The following PNPLA4 variants were observed in gnomAD, a reference collection of about 807,000 sequenced individuals.
PNPLA4 encodes patatin-like phospholipase domain-containing protein 4.
In PNPLA4, 15 loss-of-function variants were observed where a neutral mutation model predicts 18.3. The ratio of observed to expected loss-of-function variants is 0.82; its 90% CI spans 0.55 to 1.26. The LOEUF (loss-of-function observed/expected upper bound fraction) is 1.26. PNPLA4 is among the 50% of genes most tolerant of loss of function. The probability of loss-of-function intolerance (pLI) is 0.00; values close to 1 mark genes in which losing one functional copy is unlikely to be tolerated. For synonymous variants in PNPLA4, 88 were observed against 85.6 expected, an observed-to-expected ratio of 1.03 and a Z score of -0.16; for missense variants, 229 against 196.8, an observed-to-expected ratio of 1.16 and a Z score of -0.98.
At chrX:7,909,288 G>A (rs1189536659) in intron 5 of PNPLA4, among the ~76,000 whole-genome samples, 2 of 111,816 alleles carry the variant, frequency 1.8e-5, no homozygotes, top group African/African-American at 6.5e-5. Flanking sequence ...GGCTGGGCAC[G>A]GTGGCTCACG....
intron 6 of PNPLA4, 76 bp from the exon 7 acceptor site, chrX:7,900,893 GT>G: frequency 1.2e-6 from 1 of 825,890 alleles, no homozygotes; most frequent in Admixed American, 3.6e-5. Context: ...TATAATCTAG[GT>G]TTTCTTATCA....
In PNPLA4 at chrX:7,922,045, G is replaced by A. The variant is rs770863001; in HGVS notation, c.234C>T (p.Phe78=). Residue 78 remains phenylalanine, a synonymous_variant, in exon 3 of 7, where the codon TTC becomes TTT. Transcript: ENST00000381042. ...KFAEEIRRQS[F]GAVTPGYDFM... is the part of the protein sequence containing the mutation. ...AGTCATAACCGGGCGTTACTGCCCC[G>A]AAAGACTGCCTTCTGATTTCTTCGG... 2.3e-5 allele frequency: 28 copies of A among 1,207,735 alleles called. No homozygotes were observed. The highest frequency in any genetic ancestry group is 3.1e-5 in the Non-Finnish European group (28 of 893,549).
At chrX:7,917,017 T>TAA (rs754668940) in intron 4 of PNPLA4, among the ~76,000 whole-genome samples, 3 of 112,283 alleles carry the variant, frequency 2.7e-5, no homozygotes, top group African/African-American at 9.7e-5. Flanking sequence ...AGGAATGCCT[T>TAA]AAGGCCTGCA....
At position 7,927,392 on chromosome X, in the gene PNPLA4, C is replaced by G. The variant is rs1236789039; in HGVS notation, c.-120G>C. On this transcript the variant is annotated 5_prime_UTR_variant, in exon 1 of 7. Coordinates refer to ENST00000381042, the MANE Select transcript of PNPLA4 (RefSeq NM_004650.3). The stretch of plus-strand genomic sequence containing the variant: ...CGCCACCAAGGCCGCGCTACGCTCT[C>G]CGCGAGCCGGCCCAGGAAAGTCCTG... 1 of 113,452 alleles carries G rather than the reference C, an allele frequency of 8.8e-6. No individual in the cohort carries two copies. Among genetic ancestry groups the G allele is most frequent in the African/African-American group, 3.2e-5 (1 of 31,332 alleles). The allele number at this position is 113,452 out of a possible 1,213,427, so 9.3% of individuals were successfully genotyped here.
At chrX:7,922,431 C>T (rs1407419547) in intron 2 of PNPLA4, among the ~76,000 whole-genome samples, 3 of 112,587 alleles carry the variant, frequency 2.7e-5, no homozygotes, top group Non-Finnish European at 3.7e-5. Flanking sequence ...ACCTTCTCTC[C>T]CACCCCTATT....
chrX:7,920,294 G>A (rs1386491184), intron 4 of PNPLA4, among the ~76,000 whole-genome samples: 1 of 111,298 alleles, frequency 9.0e-6, no homozygotes, highest in East Asian at 2.8e-4. Flanking sequence ...TCTGCCCACC[G>A]CAAGCCTTAT....
At chrX:7,919,902 C>T (rs748168386) in intron 4 of PNPLA4, among the ~76,000 whole-genome samples, 2 of 111,716 alleles carry the variant, frequency 1.8e-5, no homozygotes, top group African/African-American at 3.3e-5. Flanking sequence ...TATTTTAAAT[C>T]GAGCCAGTGT....
chrX:7,907,262 G>A (rs985813066), intron 5 of PNPLA4, among the ~76,000 whole-genome samples: 9 of 111,250 alleles, frequency 8.1e-5, no homozygotes, highest in African/African-American at 2.3e-4. Context: ...CAGGTGATCC[G>A]CCCGCCTCAG....
chrX:7,917,816 CA>C (rs1176209174), intron 4 of PNPLA4, among the ~76,000 whole-genome samples: 2 of 111,080 alleles, frequency 1.8e-5, no homozygotes, highest in Non-Finnish European at 3.8e-5. Flanking sequence ...AAAAACACGT[CA>C]AAATACACAC....
chrX:7,900,234 C>T lies in PNPLA4; in HGVS notation c.*452G>A, dbSNP rs772936057. 1 of 114,706 alleles carries T rather than the reference C, an allele frequency of 8.7e-6. No homozygotes were observed. Among genetic ancestry groups the T allele is most frequent in the Non-Finnish European group, 1.8e-5 (1 of 55,034 alleles). 9.5% of individuals were successfully genotyped at this position (114,706 alleles called of 1,213,427 possible). ...TCCAGTCCTGATCAAAGGTCTTTAA[C>T]CATGAGTTGCCTATTTCTCAAATCC... On this transcript the variant is annotated 3_prime_UTR_variant, in exon 7 of 7. Coordinates refer to ENST00000381042, the MANE Select transcript of PNPLA4 (RefSeq NM_004650.3).
intron 4 of PNPLA4, among the ~76,000 whole-genome samples, chrX:7,920,922 T>C (rs1460234963): frequency 4.4e-5 from 5 of 112,670 alleles, no homozygotes; most frequent in African/African-American, 1.3e-4. Context: ...AGGATAATCT[T>C]GGGTACATAG....
chrX:7,922,135 G>A (rs368835908), intron 2 of PNPLA4, 37 bp from the exon 3 acceptor site: 41 of 969,372 alleles, frequency 4.2e-5, no homozygotes, highest in Non-Finnish European at 7.3e-6. Flanking sequence ...CCTAGGTGTT[G>A]TAAAGAAAAC....
chrX:7,925,628 T>G (rs1226593271), intron 2 of PNPLA4, among the ~76,000 whole-genome samples: 2 of 112,127 alleles, frequency 1.8e-5, no homozygotes, highest in Admixed American at 9.5e-5. Context: ...CCCATGCTCT[T>G]CTCATGATCA....
chrX:7,926,260 C>T (rs1188587214), intron 1 of PNPLA4, 128 bp from the exon 2 acceptor site: 6 of 455,280 alleles, frequency 1.3e-5, no homozygotes, highest in Non-Finnish European at 2.2e-5. Flanking sequence ...ACAGTGGTTT[C>T]AATTAATTCT....
Position 7,921,701 on chromosome X carries a change from T to C in PNPLA4, c.411+12A>G, listed in dbSNP as rs781531772. 1.4e-5 allele frequency: 17 copies of C among 1,200,395 alleles called. No individual in the cohort carries two copies. The highest frequency in any genetic ancestry group is 1.9e-5 in the Non-Finnish European group (17 of 885,833). ...TGCTGATTTCTTCAAATAGGAAACA[T>C]GGCTTTGTTACCTTAATGAGGTCCT... On this transcript the variant is annotated intron_variant, in intron 4 of 6. Transcript: ENST00000381042.
At chrX:7,904,200 A>T (rs1011205174) in intron 5 of PNPLA4, among the ~76,000 whole-genome samples, 3 of 112,492 alleles carry the variant, frequency 2.7e-5, no homozygotes, top group African/African-American at 9.7e-5. Context: ...TCATCAAGAA[A>T]AATTAAAGAT....
Position 7,898,568 on chromosome X carries a change from C to T in PNPLA4, c.*2118G>A, listed in dbSNP as rs142972257. On this transcript the variant is annotated 3_prime_UTR_variant, in exon 7 of 7. Transcript: ENST00000381042. ...TTGGTGCACCAGCCCCGGAGAGCGC[C>T]TAGTGTGCACCAAGTATGTGTTTCA... 9.0e-6 allele frequency: 1 copy of T among 111,725 alleles called. No homozygotes were observed. Among genetic ancestry groups the T allele is most frequent in the African/African-American group, 3.3e-5 (1 of 30,730 alleles). 9.2% of individuals were successfully genotyped at this position (111,725 alleles called of 1,213,427 possible).
intron 1 of PNPLA4, among the ~76,000 whole-genome samples, 199 bp from the exon 2 acceptor site, chrX:7,926,331 C>A (rs750679398): frequency 9.8e-5 from 11 of 112,232 alleles, no homozygotes; most frequent in Non-Finnish European, 2.1e-4. Context: ...TGACCCAAGT[C>A]TTATACATTA....
chrX:7,912,079 G>A lies in PNPLA4; in HGVS notation c.426C>T (p.Ser142=). The A allele has an allele frequency of 8.3e-7, 1 of 1,202,225 alleles. No individual in the cohort carries two copies. Among genetic ancestry groups the A allele is most frequent in the Non-Finnish European group, 1.1e-6 (1 of 887,687 alleles). ...GTCCTGCATAAATGGGCACAAAACTGCTGGCTAGGAGGACCTAGATGGATA... is the reference window on the plus strand; with the variant it reads ...GTCCTGCATAAATGGGCACAAAACTACTGGCTAGGAGGACCTAGATGGATA... ...REDLIKVLLA[S]SFVPIYAGLK... The change falls in exon 5 of 7, where the codon AGC becomes AGT. Residue 142 remains serine (S), a synonymous_variant. Coordinates refer to ENST00000381042, the MANE Select transcript of PNPLA4 (RefSeq NM_004650.3).
Sources: allele counts gnomAD v4.1 joint callset (sites outside exome capture counted in the v4.1 genomes callset), GRCh38; gene constraint gnomAD v4.1.1; transcripts MANE v1.5; gene names NCBI Gene and HGNC (gene_info 2026-07-23, HGNC 2026-07-21).